TARP: variants seen among roughly 807,000 people sequenced by gnomAD.
the TARP span, among the ~76,000 whole-genome samples, chr7:38,270,755 G>A: frequency 6.6e-6 from 1 of 150,574 alleles, no homozygotes; most frequent in Admixed American, 6.7e-5. Flanking sequence ...CACCATCTGC[G>A]CATTTCATTA....
chr7:38,272,936 TC>T, the TARP span, among the ~76,000 whole-genome samples: 1 of 151,580 alleles, frequency 6.6e-6, no homozygotes, highest in Non-Finnish European at 1.5e-5. Context: ...AAAACTGCTT[TC>T]ATTTTTTCCG....
chr7:38,261,835 G>A, the TARP span, among the ~76,000 whole-genome samples: 11,266 of 138,314 alleles, frequency 0.081, 563 homozygotes, highest in Middle Eastern at 0.14. Context: ...TACTGCCACC[G>A]CACTCCAGCC....
chr7:38,267,131 A>G, the TARP span, among the ~76,000 whole-genome samples: 3 of 151,724 alleles, frequency 2.0e-5, no homozygotes, highest in Non-Finnish European at 4.4e-5. Flanking sequence ...TGTCTCTCCC[A>G]GAATTTGTAT....
chr7:38,269,185 A>G, the TARP span, among the ~76,000 whole-genome samples: 1 of 151,754 alleles, frequency 6.6e-6, no homozygotes, highest in South Asian at 2.1e-4. Flanking sequence ...GTCTATCACA[A>G]ACTTACCTGT....
the TARP span, chr7:38,273,548 C>A: frequency 8.1e-3 from 12,107 of 1,499,062 alleles, 217 homozygotes; most frequent in African/African-American, 0.064. Context: ...GCCAGCCTCC[C>A]ATCCCTTCTT....
chr7:38,265,758 C>T, the TARP span: 5 of 1,058,734 alleles, frequency 4.7e-6, no homozygotes, highest in Non-Finnish European at 5.4e-6. Flanking sequence ...TGGCCTAGTA[C>T]ATAACCATAA....
the TARP span, among the ~76,000 whole-genome samples, chr7:38,271,646 T>A: frequency 0.11 from 16,948 of 151,094 alleles, 1,090 homozygotes; most frequent in South Asian, 0.18. Context: ...AATAACAGAA[T>A]AAATTGGAAA....
chr7:38,261,977 A>G, the TARP span, among the ~76,000 whole-genome samples: 4 of 151,634 alleles, frequency 2.6e-5, no homozygotes, highest in East Asian at 7.7e-4. Flanking sequence ...ACCCTCTCTA[A>G]TTTACAGTCA....
chr7:38,272,951 C>A, the TARP span, among the ~76,000 whole-genome samples: 2 of 151,188 alleles, frequency 1.3e-5, no homozygotes, highest in African/African-American at 2.4e-5. Context: ...TTTTCCGATG[C>A]TTTATCAACT....
the TARP span, among the ~76,000 whole-genome samples, chr7:38,263,643 T>TA: frequency 5.0e-4 from 72 of 144,048 alleles, no homozygotes; most frequent in Middle Eastern, 3.5e-3. Context: ...TCTGTGATGT[T>TA]AAAAAAAAAA....
At chr7:38,269,010 T>G in the TARP span, among the ~76,000 whole-genome samples, 8 of 151,830 alleles carry the variant, frequency 5.3e-5, no homozygotes, top group Non-Finnish European at 7.4e-5. Flanking sequence ...TATCCCATTT[T>G]ATGGATTAGA....
chr7:38,272,882 T>C, the TARP span, among the ~76,000 whole-genome samples: 4 of 151,312 alleles, frequency 2.6e-5, no homozygotes, highest in Non-Finnish European at 5.9e-5. Flanking sequence ...AACTTATAAG[T>C]TCATTTTATC....
the TARP span, chr7:38,265,551 C>A: frequency 6.2e-7 from 1 of 1,612,068 alleles, no homozygotes; most frequent in Non-Finnish European, 8.5e-7. Context: ...GCCAATGTAT[C>A]TTAATAACAT....
the TARP span, among the ~76,000 whole-genome samples, chr7:38,268,179 C>G: frequency 2.0e-5 from 3 of 151,144 alleles, no homozygotes; most frequent in African/African-American, 7.3e-5. Flanking sequence ...ACTTCAATAA[C>G]AAATAGAATT....
the TARP span, chr7:38,265,701 A>C: frequency 1.3e-6 from 2 of 1,488,648 alleles, no homozygotes; most frequent in East Asian, 2.3e-5. Flanking sequence ...ATGAAATATG[A>C]GTTTAAAAGA....
the TARP span, among the ~76,000 whole-genome samples, chr7:38,271,840 C>CA: frequency 1.3e-5 from 2 of 149,608 alleles, no homozygotes; most frequent in Non-Finnish European, 3.0e-5. Context: ...AATATAAGGG[C>CA]AAAAAAGGCA....
chr7:38,262,087 T>G, the TARP span: 60 of 1,197,096 alleles, frequency 5.0e-5, no homozygotes, highest in Non-Finnish European at 6.8e-5. Context: ...GCATCCAACC[T>G]AGCAAAATCC....
the TARP span, among the ~76,000 whole-genome samples, chr7:38,268,631 A>T: frequency 6.6e-6 from 1 of 151,502 alleles, no homozygotes; most frequent in East Asian, 1.9e-4. Context: ...ATCAATTAAG[A>T]TAAAGGATTA....
chr7:38,266,262 A>T, the TARP span, among the ~76,000 whole-genome samples: 1 of 151,508 alleles, frequency 6.6e-6, no homozygotes, highest in African/African-American at 2.4e-5. Flanking sequence ...GCGATGCACC[A>T]TATTTATCTT....
Sources: allele counts gnomAD v4.1 joint callset (sites outside exome capture counted in the v4.1 genomes callset), GRCh38; gene constraint gnomAD v4.1.1; transcripts MANE v1.5.